Variants in NTPCR observed in about 807,000 individuals in gnomAD.
NTPCR encodes the protein nucleoside-triphosphatase, cancer-related, also known as cancer-related nucleoside-triphosphatase.
A neutral mutation model predicts 19.5 loss-of-function variants in NTPCR; 15 were observed. That is an observed-to-expected ratio of 0.77 (90% confidence interval 0.51 to 1.18). NTPCR has a LOEUF of 1.18. Ranked by LOEUF, NTPCR falls within the 50% of genes most tolerant of loss-of-function variation. The probability of loss-of-function intolerance (pLI) is 0.00; values close to 1 mark genes in which losing one functional copy is unlikely to be tolerated. For missense variants in NTPCR, 206 were observed against 240.4 expected (o/e 0.86, Z 0.95); for synonymous variants, 90 against 95.8 (o/e 0.94, Z 0.36).
In NTPCR at chr1:232,978,319, G is replaced by A. The variant is rs774007725; in HGVS notation, c.*88G>A. On this transcript the variant is annotated 3_prime_UTR_variant, in exon 5 of 5. Transcript: ENST00000366628. The stretch of plus-strand genomic sequence containing the variant: ...CTGCCTGTCGAGGCTGTATGCCTAT[G>A]GGGTTATGGAACCTTGTGGGCTTTT... 87 of 1,085,698 alleles carry A rather than the reference G, an allele frequency of 8.0e-5. No homozygotes were observed. Among genetic ancestry groups the A allele is most frequent in the Non-Finnish European group, 1.1e-4 (81 of 724,082 alleles). 67.3% of individuals were successfully genotyped at this position (1,085,698 alleles called of 1,614,324 possible).
intron 4 of NTPCR, among the ~76,000 whole-genome samples, chr1:232,971,053 C>T (rs1030942679): frequency 6.6e-5 from 10 of 152,212 alleles, no homozygotes; most frequent in Non-Finnish European, 1.0e-4. Context: ...CCAGTGGCAG[C>T]GTCTGAGCCA....
chr1:232,960,282 G>C (rs7546787), intron 3 of NTPCR, among the ~76,000 whole-genome samples: 144,508 of 144,510 alleles, frequency 1, 72,253 homozygotes, highest in Middle Eastern at 1. Flanking sequence ...GCTCAGGAGG[G>C]CCAGGCACAA....
intron 3 of NTPCR, among the ~76,000 whole-genome samples, chr1:232,956,675 A>G (rs1047993444): frequency 1.3e-5 from 2 of 152,176 alleles, no homozygotes; most frequent in Non-Finnish European, 2.9e-5. Flanking sequence ...AAGGCTCTTG[A>G]TGCCCAGGTA....
chr1:232,961,239 A>G (rs1668662213), intron 3 of NTPCR, among the ~76,000 whole-genome samples: 1 of 152,262 alleles, frequency 6.6e-6, no homozygotes, highest in African/African-American at 2.4e-5. Context: ...AGCACCCTTT[A>G]TACATGAATC....
intron 3 of NTPCR, chr1:232,968,292 T>C (rs1668878014): frequency 6.6e-6 from 1 of 152,206 alleles, no homozygotes. Context: ...ATTGATCTTT[T>C]AGCTAATAAA....
At position 232,952,310 on chromosome 1, in the gene NTPCR, A is replaced by G. The variant is rs77924195; in HGVS notation, c.34+1566A>G. ...CTGCATTCTCAAACTCCTGGGCTTA[A>G]GTGATCCTCCCACTTCAACCTCCTG... On this transcript the variant is annotated intron_variant, in intron 1 of 4. Coordinates refer to ENST00000366628, the MANE Select transcript of NTPCR (RefSeq NM_032324.3). Among the ~76,000 whole-genome samples the G allele has an allele frequency of 7.3e-3, 1,116 of 152,078 alleles. 10 individuals carry two copies. Among genetic ancestry groups the G allele is most frequent in the South Asian group, 0.028 (133 of 4,806 alleles).
chr1:232,960,691 G>A (rs564950538), intron 3 of NTPCR, among the ~76,000 whole-genome samples: 3 of 152,146 alleles, frequency 2.0e-5, no homozygotes, highest in South Asian at 2.1e-4. Flanking sequence ...GTGGTCGCTC[G>A]TGAGAAATAA....
chr1:232,968,538 G>A (rs1224874882), intron 3 of NTPCR: 1 of 152,184 alleles, frequency 6.6e-6, no homozygotes, highest in Non-Finnish European at 1.5e-5. Context: ...TCTTTCGGCT[G>A]TGGGAGAAGA....
Position 232,950,668 on chromosome 1 carries a change from TG to T in NTPCR, c.-41del. On this transcript the variant is annotated 5_prime_UTR_variant, in exon 1 of 5. Coordinates refer to ENST00000366628, the MANE Select transcript of NTPCR (RefSeq NM_032324.3). ...CCTGACCTGAATTGCGACCCCAACC[TG>T]GACTGCTCCCCTGACCGCAACCCCT... 6.4e-7 allele frequency: 1 copy of T among 1,562,460 alleles called. No homozygotes were observed. The highest frequency in any genetic ancestry group is 8.8e-7 in the Non-Finnish European group (1 of 1,134,546).
chr1:232,968,063 G>C (rs984291292), intron 3 of NTPCR: 2 of 152,220 alleles, frequency 1.3e-5, no homozygotes, highest in Non-Finnish European at 2.9e-5. Context: ...CACCAGTGGA[G>C]GGTGACATTG....
intron 4 of NTPCR, chr1:232,976,588 G>T: frequency 9.0e-6 from 13 of 1,448,430 alleles, no homozygotes; most frequent in Non-Finnish European, 1.2e-5. Flanking sequence ...AGCCTTATAG[G>T]CTTTGGAGCT....
At chr1:232,965,753 A>G (rs1333525301) in intron 3 of NTPCR, 4 of 152,354 alleles carry the variant, frequency 2.6e-5, no homozygotes, top group African/African-American at 7.2e-5. Flanking sequence ...GTCAGCCAGG[A>G]GGTGTTGTTT....
rs377740565 is a variant in NTPCR, at chr1:232,980,394, A to G, written c.*2163A>G. ...TTGAACCCACGTCTGCGTGGCTCCA[A>G]AGTTCACTCTTTCATCACTCCCTGC... On this transcript the variant is annotated 3_prime_UTR_variant, in exon 5 of 5. Coordinates refer to ENST00000366628, the MANE Select transcript of NTPCR (RefSeq NM_032324.3). 6.6e-6 allele frequency: 1 copy of G among 152,124 alleles called. No individual in the cohort carries two copies. Among genetic ancestry groups the G allele is most frequent in the Admixed American group, 6.5e-5 (1 of 15,270 alleles). The allele number at this position is 152,124 out of a possible 1,614,324, so 9.4% of individuals were successfully genotyped here.
intron 3 of NTPCR, among the ~76,000 whole-genome samples, chr1:232,961,147 T>G (rs1242791628): frequency 6.6e-6 from 1 of 152,148 alleles, no homozygotes; most frequent in African/African-American, 2.4e-5. Context: ...ATGGTATGAG[T>G]TTTCATCTTT....
chr1:232,966,387 T>C (rs1352528981), intron 3 of NTPCR: 1 of 152,188 alleles, frequency 6.6e-6, no homozygotes, highest in Non-Finnish European at 1.5e-5. Context: ...AAATTAACAT[T>C]AATACCACTG....
rs1669270693 is a variant in NTPCR at position 232,981,143 on chromosome 1, T to TTTAATA, written c.*2912_*2913insTTAATA. Reference sequence around the variant, plus strand: ...ATCATACCGCCAGCTGCTTAACACGTAATAGTTTAATAAATTGTTTCTTCT... The same window carrying TTTAATA: ...ATCATACCGCCAGCTGCTTAACACGTTTAATAAATAGTTTAATAAATTGTTTCTTCT... On this transcript the variant is annotated 3_prime_UTR_variant, in exon 5 of 5. Coordinates refer to ENST00000366628, the MANE Select transcript of NTPCR (RefSeq NM_032324.3). 1 of 152,194 alleles carries TTTAATA rather than the reference T, an allele frequency of 6.6e-6. No individual in the cohort carries two copies. The highest frequency in any genetic ancestry group is 3.2e-3 in the Middle Eastern group (1 of 316). The allele number at this position is 152,194 out of a possible 1,614,324, so 9.4% of individuals were successfully genotyped here.
chr1:232,960,563 C>T (rs1269090858), intron 3 of NTPCR, among the ~76,000 whole-genome samples: 2 of 151,980 alleles, frequency 1.3e-5, no homozygotes, highest in African/African-American at 4.8e-5. Context: ...AGGCTGGTCT[C>T]GAACTCCTGA....
chr1:232,969,462 G>T (rs140850383), intron 3 of NTPCR: 67 of 158,954 alleles, frequency 4.2e-4, no homozygotes, highest in Middle Eastern at 3.4e-3. Flanking sequence ...ACGTGCTGGG[G>T]GGGAGATAAC....
At position 232,982,115 on chromosome 1, in the gene NTPCR, C is replaced by T. The variant is rs1475207600; in HGVS notation, c.*3884C>T. 2 of 152,216 alleles carry T rather than the reference C, an allele frequency of 1.3e-5. No homozygotes were observed. Among genetic ancestry groups the T allele is most frequent in the African/African-American group, 4.8e-5 (2 of 41,446 alleles). 9.4% of individuals were successfully genotyped at this position (152,216 alleles called of 1,614,324 possible). A position where few individuals can be genotyped will look rare whatever the true frequency, so the allele number is the denominator to read the frequency against. ...AAATGTCAGTTTAGGGATGCCTCCT[C>T]TAAATGGGGGCTTAGAATATAACAT... On this transcript the variant is annotated 3_prime_UTR_variant, in exon 5 of 5. Coordinates refer to ENST00000366628, the MANE Select transcript of NTPCR (RefSeq NM_032324.3).
Sources: allele counts gnomAD v4.1 joint callset (sites outside exome capture counted in the v4.1 genomes callset), GRCh38; gene constraint gnomAD v4.1.1; transcripts MANE v1.5; gene names NCBI Gene and HGNC (gene_info 2026-07-23, HGNC 2026-07-21).